Variants in CHURC1 observed in about 807,000 individuals in gnomAD.
The protein encoded by CHURC1 is churchill domain containing 1.
Under a neutral mutation model 15.4 loss-of-function variants are expected in CHURC1, and 12 were observed. That is an observed-to-expected ratio of 0.78 (90% CI 0.50 to 1.27). The LOEUF is 1.27. CHURC1 is among the 50% of genes most tolerant of loss of function. The probability of loss-of-function intolerance (pLI) is 0.00; values close to 1 mark genes in which losing one functional copy is unlikely to be tolerated. For synonymous variants in CHURC1, 42 were observed against 47.5 expected (o/e 0.88, Z 0.48); for missense variants, 132 against 137.8 (o/e 0.96, Z 0.21).
chr14:64,926,793 TATC>T (rs910922741), intron 3 of CHURC1, among the ~76,000 whole-genome samples: 6 of 152,232 alleles, frequency 3.9e-5, no homozygotes, highest in African/African-American at 1.4e-4. Flanking sequence ...TTAAGAGATT[TATC>T]ATAAGGATTA....
At chr14:64,920,515 T>C (rs1339791126) in intron 1 of CHURC1, among the ~76,000 whole-genome samples, 2 of 152,244 alleles carry the variant, frequency 1.3e-5, no homozygotes, top group African/African-American at 2.4e-5. Flanking sequence ...TGCTTTCAAA[T>C]GACCAGGGCT....
Position 64,931,480 on chromosome 14 carries a change from A to G in CHURC1, c.247-658A>G, listed in dbSNP as rs759291838. ...GCACAGGAGGTCAAGGCTGCAGTGAACCATCATTGCACCACTGCACTCCAA... is the reference window on the plus strand; with the variant it reads ...GCACAGGAGGTCAAGGCTGCAGTGAGCCATCATTGCACCACTGCACTCCAA... On this transcript the variant is annotated intron_variant, in intron 3 of 3. Coordinates refer to ENST00000549115, the MANE Select transcript of CHURC1 (RefSeq NM_001386928.1). 2.0e-5 allele frequency among the ~76,000 whole-genome samples: 3 copies of G among 152,046 alleles called. 1 individual carries two copies. Among genetic ancestry groups the G allele is most frequent in the Non-Finnish European group, 4.4e-5 (3 of 68,004 alleles).
intron 3 of CHURC1, among the ~76,000 whole-genome samples, chr14:64,926,655 T>C (rs574735063): frequency 4.6e-5 from 7 of 152,340 alleles, no homozygotes; most frequent in Admixed American, 4.6e-4. Flanking sequence ...TTTTCCCAAG[T>C]TGACATGTAG....
intron 1 of CHURC1, among the ~76,000 whole-genome samples, 197 bp from the exon 2 acceptor site, chr14:64,923,787 CTTTTTTT>C (rs60825476): frequency 2.6e-5 from 2 of 77,072 alleles, no homozygotes; most frequent in Non-Finnish European, 5.6e-5. Flanking sequence ...ACTTTAGTTG[CTTTTTTT>C]TTTTTTTTTT....
chr14:64,928,584 C>T (rs1409079759), intron 3 of CHURC1, among the ~76,000 whole-genome samples: 1 of 152,088 alleles, frequency 6.6e-6, no homozygotes, highest in African/African-American at 2.4e-5. Context: ...CCTTATTTTC[C>T]TATACTCCTC....
Position 64,924,032 on chromosome 14 carries a change from T to C in CHURC1, c.81T>C (p.Phe27=), listed in dbSNP as rs190315760. The change falls in exon 2 of 4, where the codon TTT becomes TTC. Residue 27 remains phenylalanine (F), a synonymous_variant. Coordinates refer to ENST00000549115, the MANE Select transcript of CHURC1 (RefSeq NM_001386928.1). Reference sequence around the variant, plus strand: ...AGAATGGATCTTTCTTACTGAACTTTACAGGCTGTGCAGTGTGCAGTAAGC... The same window carrying C: ...AGAATGGATCTTTCTTACTGAACTTCACAGGCTGTGCAGTGTGCAGTAAGC... The part of the protein sequence containing the change: ...CLENGSFLLN[F]TGCAVCSKRD... The C allele has an allele frequency of 3.1e-5, 49 of 1,586,950 alleles. No homozygotes were observed. In the East Asian group the frequency reaches 6.8e-4, roughly 22 times the overall value.
chr14:64,932,206 C>G lies in CHURC1; in HGVS notation c.315C>G (p.Pro105=). 6.2e-7 allele frequency: 1 copy of G among 1,614,036 alleles called. No homozygotes were observed. The highest frequency in any genetic ancestry group is 1.1e-5 in the South Asian group (1 of 91,060). Residue 105 remains proline (P), a synonymous_variant, in exon 4 of 4, where the codon CCC becomes CCG. Coordinates refer to ENST00000549115, the MANE Select transcript of CHURC1 (RefSeq NM_001386928.1). ...CTATCAGTATTCTCCCTGATGACCC[C>G]CGACAAATGACTCTCTTATTCTAAG... ...EDTISILPDD[P]RQMTLLF
rs1381952189 is a variant in CHURC1, at chr14:64,933,297, AG to A, written c.*1068del. Reference sequence around the variant, plus strand: ...CTACATGGAATTATATACCACGAAAAGAAAAAAAGGTCATTTGGTAGAAACT... The same window carrying A: ...CTACATGGAATTATATACCACGAAAAAAAAAAAGGTCATTTGGTAGAAACT... On this transcript the variant is annotated 3_prime_UTR_variant, in exon 4 of 4. Coordinates refer to ENST00000549115, the MANE Select transcript of CHURC1 (RefSeq NM_001386928.1). The A allele has an allele frequency of 4.9e-5, 43 of 882,594 alleles. No homozygotes were observed. Among genetic ancestry groups the A allele is most frequent in the Non-Finnish European group, 5.6e-5 (41 of 736,110 alleles). 54.7% of individuals were successfully genotyped at this position (882,594 alleles called of 1,614,324 possible).
intron 2 of CHURC1, chr14:64,924,543 G>T (rs1884549282): frequency 6.6e-6 from 1 of 152,216 alleles, no homozygotes; most frequent in South Asian, 2.1e-4. Context: ...AGGGCTGCTT[G>T]TCCCTATACT....
chr14:64,915,087 T>G (rs1008201470), intron 1 of CHURC1, among the ~76,000 whole-genome samples: 3 of 152,240 alleles, frequency 2.0e-5, no homozygotes, highest in Non-Finnish European at 1.5e-5. Context: ...GCAAAGCTTG[T>G]CTATTCTCAT....
intron 3 of CHURC1, among the ~76,000 whole-genome samples, chr14:64,928,314 C>T (rs2139910046): frequency 6.6e-6 from 1 of 152,320 alleles, no homozygotes; most frequent in African/African-American, 2.4e-5. Flanking sequence ...GTGGCCTGAT[C>T]ACAGCTCCCT....
At chr14:64,915,111 C>T (rs1157082004) in intron 1 of CHURC1, among the ~76,000 whole-genome samples, 2 of 152,178 alleles carry the variant, frequency 1.3e-5, no homozygotes, top group African/African-American at 4.8e-5. Flanking sequence ...TTCAAGGCAT[C>T]CTTGTTGAAC....
intron 1 of CHURC1, among the ~76,000 whole-genome samples, chr14:64,916,593 T>C (rs1459131238): frequency 6.6e-6 from 1 of 152,120 alleles, no homozygotes; most frequent in Non-Finnish European, 1.5e-5. Context: ...TGTTTTTGTT[T>C]TTGAGATGGA....
rs963123402 is a variant in CHURC1 at position 64,919,740 on chromosome 14, C to T, written c.40-4251C>T. Among the ~76,000 whole-genome samples, 10 of 151,964 alleles carry T rather than the reference C, an allele frequency of 6.6e-5. No individual in the cohort carries two copies. The East Asian group carries it at 1.9e-3, about 29-fold the overall frequency. ...TCTACCAAACAATGCAAAAATTAGC[C>T]TGGCATGGTTTTGTGTGCCTGTAGT... On this transcript the variant is annotated intron_variant, in intron 1 of 3. Transcript: ENST00000549115.
At chr14:64,916,754 A>AT (rs1231180013) in intron 1 of CHURC1, among the ~76,000 whole-genome samples, 2 of 151,706 alleles carry the variant, frequency 1.3e-5, no homozygotes, top group Admixed American at 1.3e-4. Flanking sequence ...ATTTTTTTGT[A>AT]TTTTTAGTAG....
intron 3 of CHURC1, among the ~76,000 whole-genome samples, chr14:64,928,396 A>G (rs1884874940): frequency 2.0e-5 from 3 of 152,110 alleles, no homozygotes; most frequent in Admixed American, 1.3e-4. Context: ...TACAGGCACT[A>G]GCCTCTGTGC....
At chr14:64,916,890 C>T (rs927591650) in intron 1 of CHURC1, among the ~76,000 whole-genome samples, 10 of 152,058 alleles carry the variant, frequency 6.6e-5, no homozygotes, top group African/African-American at 2.2e-4. Context: ...AGGTTGGATT[C>T]TTAAGAGTGG....
At chr14:64,916,227 T>G (rs1332449074) in intron 1 of CHURC1, among the ~76,000 whole-genome samples, 1 of 152,224 alleles carries the variant, frequency 6.6e-6, no homozygotes, top group African/African-American at 2.4e-5. Flanking sequence ...TATTCAAGGA[T>G]GTACCTGGGT....
At chr14:64,922,319 C>G (rs965381364) in intron 1 of CHURC1, among the ~76,000 whole-genome samples, 2 of 151,980 alleles carry the variant, frequency 1.3e-5, no homozygotes, top group Non-Finnish European at 2.9e-5. Context: ...TGGCTCATTC[C>G]TGTAATCCCA....
Sources: gnomAD v4.1 joint callset for allele counts (sites outside exome capture counted in the v4.1 genomes callset) on GRCh38, gnomAD v4.1.1 for gene constraint, MANE v1.5 for transcripts, NCBI Gene and HGNC (gene_info 2026-07-23, HGNC 2026-07-21) for gene names.